Variants in BTBD9 observed in about 807,000 individuals in gnomAD.
BTBD9 encodes BTB domain containing 9, also known as BTB/POZ domain-containing protein 9.
A neutral mutation model predicts 64.3 loss-of-function variants in BTBD9; 49 were observed. The observed-to-expected ratio is 0.76, with a 90% CI of 0.61 to 0.97. The LOEUF (loss-of-function observed/expected upper bound fraction) is 0.97. Ranked by LOEUF, BTBD9 falls within the 50% of genes least tolerant of loss-of-function variation. The probability of loss-of-function intolerance (pLI) is 0.00; values close to 1 mark genes in which losing one functional copy is unlikely to be tolerated. For missense variants in BTBD9, 598 were observed against 762.1 expected, an observed-to-expected ratio of 0.78 and a Z score of 2.53; for synonymous variants, 260 against 274.7, an observed-to-expected ratio of 0.95 and a Z score of 0.53.
chr6:38,291,149 C>T (rs1561980537), intron 7 of BTBD9, among the ~76,000 whole-genome samples: 1 of 152,136 alleles, frequency 6.6e-6, no homozygotes, highest in African/African-American at 2.4e-5. Context: ...CTAGATATTG[C>T]CAAATTTTTC....
chr6:38,615,930 A>G (rs903692942), intron 1 of BTBD9, among the ~76,000 whole-genome samples: 6 of 152,194 alleles, frequency 3.9e-5, no homozygotes, highest in African/African-American at 1.2e-4. Flanking sequence ...GATGGCACCC[A>G]AGATCCCTGC....
At position 38,394,794 on chromosome 6, in the gene BTBD9, C is replaced by T. The variant is rs375783934; in HGVS notation, c.1155-49701G>A. ...TAGGAAAATGTGGAAAATCTGCCAA[C>T]GGCCAGTGTCAACTTTCCAACCATG... On this transcript the variant is annotated intron_variant, in intron 6 of 10. Transcript: ENST00000481247. Among the ~76,000 whole-genome samples the T allele has an allele frequency of 8.5e-5, 13 of 152,210 alleles. No individual in the cohort carries two copies. In the East Asian group the frequency reaches 1.2e-3, roughly 14 times the overall value.
chr6:38,192,741 C>T (rs1457982770), intron 9 of BTBD9, 144 bp from the exon 10 acceptor site: 4 of 691,272 alleles, frequency 5.8e-6, no homozygotes, highest in Non-Finnish European at 7.7e-6. Flanking sequence ...AGCTGGGCTG[C>T]ACCTAACGTA....
chr6:38,502,216 T>C (rs978467170), intron 6 of BTBD9, among the ~76,000 whole-genome samples: 1 of 152,186 alleles, frequency 6.6e-6, no homozygotes, highest in Non-Finnish European at 1.5e-5. Flanking sequence ...GATTCTATAA[T>C]TCTGTCTGAG....
intron 6 of BTBD9, among the ~76,000 whole-genome samples, chr6:38,496,187 C>T (rs1042852413): frequency 7.2e-5 from 11 of 152,070 alleles, no homozygotes; most frequent in African/African-American, 1.4e-4. Flanking sequence ...ATGACTCACA[C>T]GACTGAAGGA....
At position 38,275,322 on chromosome 6, in the gene BTBD9, C is replaced by T. The variant is rs2127546805; in HGVS notation, c.1454+12950G>A. On this transcript the variant is annotated intron_variant, in intron 8 of 10. Coordinates refer to ENST00000481247, the MANE Select transcript of BTBD9 (RefSeq NM_001099272.2). Reference sequence around the variant, plus strand: ...GTAGAAAGCTGAAACTGGATCCCTTCCTTACACCTTATACAAAAATTAATT... The same window carrying T: ...GTAGAAAGCTGAAACTGGATCCCTTTCTTACACCTTATACAAAAATTAATT... Among the ~76,000 whole-genome samples the T allele has an allele frequency of 1.3e-5, 2 of 152,050 alleles. 1 individual carries two copies. The highest frequency in any genetic ancestry group is 4.2e-4 in the South Asian group (2 of 4,808).
At chr6:38,276,263 A>G (rs538641145) in intron 8 of BTBD9, among the ~76,000 whole-genome samples, 4 of 145,568 alleles carry the variant, frequency 2.7e-5, no homozygotes, top group African/African-American at 1.0e-4. Flanking sequence ...AAAACCAAAC[A>G]CCGCATGTTC....
chr6:38,516,765 G>C (rs1773046646), intron 6 of BTBD9, among the ~76,000 whole-genome samples: 1 of 152,120 alleles, frequency 6.6e-6, no homozygotes. Flanking sequence ...TCTGAGTAAA[G>C]TATATTAATG....
chr6:38,265,453 A>G (rs1007681070), intron 8 of BTBD9, among the ~76,000 whole-genome samples: 5 of 151,566 alleles, frequency 3.3e-5, no homozygotes, highest in African/African-American at 1.2e-4. Context: ...GGAAAGCTGG[A>G]TGGGGCAAAA....
At chr6:38,451,836 T>A (rs1419603540) in intron 6 of BTBD9, among the ~76,000 whole-genome samples, 1 of 152,128 alleles carries the variant, frequency 6.6e-6, no homozygotes, top group Non-Finnish European at 1.5e-5. Context: ...ATCCTTGGGT[T>A]TGCAAAGTTT....
intron 9 of BTBD9, among the ~76,000 whole-genome samples, chr6:38,238,840 T>C (rs1763888573): frequency 6.6e-6 from 1 of 152,132 alleles, no homozygotes; most frequent in African/African-American, 2.4e-5. Flanking sequence ...AGACTGTAAA[T>C]GTTTCTTATC....
At chr6:38,268,999 A>G (rs1765112777) in intron 8 of BTBD9, among the ~76,000 whole-genome samples, 1 of 152,220 alleles carries the variant, frequency 6.6e-6, no homozygotes, top group Non-Finnish European at 1.5e-5. Context: ...TTCTTTCATG[A>G]AATAGTTAGT....
At chr6:38,297,361 C>T (rs982119885) in intron 7 of BTBD9, among the ~76,000 whole-genome samples, 3 of 151,688 alleles carry the variant, frequency 2.0e-5, no homozygotes, top group African/African-American at 7.3e-5. Context: ...GTGAGACTGA[C>T]TTGAAGAAAA....
chr6:38,573,171 T>C (rs539452045), intron 6 of BTBD9, among the ~76,000 whole-genome samples: 27 of 152,262 alleles, frequency 1.8e-4, no homozygotes, highest in Middle Eastern at 3.4e-3. Context: ...TAAAATAGGA[T>C]TTTTGTTTTA....
At chr6:38,319,869 G>A (rs1245254509) in intron 7 of BTBD9, among the ~76,000 whole-genome samples, 1 of 152,086 alleles carries the variant, frequency 6.6e-6, no homozygotes, top group East Asian at 1.9e-4. Context: ...GCTTGCCTAG[G>A]ATTTACAGTC....
chr6:38,620,015 G>T (rs1397834943), intron 1 of BTBD9, among the ~76,000 whole-genome samples: 7 of 152,154 alleles, frequency 4.6e-5, no homozygotes, highest in Non-Finnish European at 1.5e-5. Flanking sequence ...GGCAAAAAAT[G>T]CCTGCCCAGT....
intron 1 of BTBD9, among the ~76,000 whole-genome samples, chr6:38,607,073 C>T (rs1458343810): frequency 1.3e-5 from 2 of 152,136 alleles, no homozygotes; most frequent in African/African-American, 4.8e-5. Flanking sequence ...GAATGAAATG[C>T]TATTTTTCAA....
chr6:38,211,172 G>A (rs1762820459), intron 9 of BTBD9, among the ~76,000 whole-genome samples: 1 of 152,180 alleles, frequency 6.6e-6, no homozygotes, highest in Non-Finnish European at 1.5e-5. Flanking sequence ...GCTCACGCCT[G>A]TAATCCCAGC....
chr6:38,573,294 A>G (rs576827989), intron 6 of BTBD9, among the ~76,000 whole-genome samples: 1 of 152,302 alleles, frequency 6.6e-6, no homozygotes, highest in South Asian at 2.1e-4. Flanking sequence ...ACATTTCCAG[A>G]TGGCAAGTTT....
Sources: allele counts gnomAD v4.1 joint callset (sites outside exome capture counted in the v4.1 genomes callset), GRCh38; gene constraint gnomAD v4.1.1; transcripts MANE v1.5; gene names NCBI Gene and HGNC (gene_info 2026-07-23, HGNC 2026-07-21).